SLC20A2: variants seen among roughly 807,000 people sequenced by gnomAD.
SLC20A2 encodes the protein solute carrier family 20 member 2, also known as sodium-dependent phosphate transporter 2.
In SLC20A2, 30 loss-of-function variants were observed where a neutral mutation model predicts 61.0. That is an observed-to-expected ratio of 0.49 (90% CI 0.37 to 0.67). The LOEUF is 0.67. SLC20A2 is among the 30% of genes least tolerant of loss of function. SLC20A2 has a pLI of 0.00. For synonymous variants in SLC20A2, 351 were observed against 353.3 expected, an observed-to-expected ratio of 0.99 and a Z score of 0.07; for missense variants, 626 against 866.4, an observed-to-expected ratio of 0.72 and a Z score of 3.48.
At chr8:42,505,211 C>T (rs1288868772), upstream of SLC20A2, among the ~76,000 whole-genome samples, 1 of 151,892 alleles carries the variant, frequency 6.6e-6, no homozygotes, top group Non-Finnish European at 1.5e-5. Flanking sequence ...CAGGCTCAAG[C>T]GATCCTCCCA....
chr8:42,460,260 G>C, intron 4 of SLC20A2: 2 of 298,086 alleles, frequency 6.7e-6, no homozygotes, highest in East Asian at 1.3e-4. Context: ...CACATGAGCT[G>C]ATGTCAGACT....
At chr8:42,462,333 A>C (rs1806776115) in intron 4 of SLC20A2, among the ~76,000 whole-genome samples, 1 of 152,198 alleles carries the variant, frequency 6.6e-6, no homozygotes, top group Admixed American at 6.5e-5. Context: ...GCTGCAAGAA[A>C]AGGGCTGCGC....
At position 42,464,681 on chromosome 8, in the gene SLC20A2, C is replaced by A. The variant is rs139852515; in HGVS notation, c.430+1096G>T. 5.5e-3 allele frequency among the ~76,000 whole-genome samples: 838 copies of A among 152,232 alleles called. 6 individuals carry two copies. Among genetic ancestry groups the A allele is most frequent in the African/African-American group, 0.019 (809 of 41,548 alleles). On this transcript the variant is annotated intron_variant, in intron 3 of 10. Transcript: ENST00000520262. ...CATAATAGTTCACTATCTCTATTAA[C>A]AGGAACTTTGGCCAGGTGCGGTGGC... is the stretch of plus-strand genomic sequence containing the variant.
At chr8:42,418,099 T>C (rs1802795581) in intron 10 of SLC20A2, 132 bp from the exon 11 acceptor site, 1 of 624,798 alleles carries the variant, frequency 1.6e-6, no homozygotes, top group South Asian at 2.6e-5. Flanking sequence ...TTAAAGCTTT[T>C]AAAATAGCTT....
chr8:42,464,283 C>T (rs113831666), intron 3 of SLC20A2, among the ~76,000 whole-genome samples: 22,238 of 128,320 alleles, frequency 0.17, 5,040 homozygotes, highest in African/African-American at 0.53. Flanking sequence ...AATTTTCTTT[C>T]TTTTTTTTTT....
intron 8 of SLC20A2, among the ~76,000 whole-genome samples, chr8:42,433,173 T>C (rs1475260838): frequency 6.6e-6 from 1 of 152,212 alleles, no homozygotes; most frequent in Non-Finnish European, 1.5e-5. Flanking sequence ...GAAACAGATC[T>C]CCAGAACTTG....
At chr8:42,536,422 TTCC>T (rs1162484926) in intron 1 of SLC20A2, 9 of 152,302 alleles carry the variant, frequency 5.9e-5, no homozygotes, top group African/African-American at 2.2e-4. Context: ...TCAAGGGCAC[TTCC>T]TCCTAATTCC....
intron 1 of SLC20A2, among the ~76,000 whole-genome samples, chr8:42,526,672 CAAAA>C (rs35859760): frequency 7.5e-6 from 1 of 133,486 alleles, no homozygotes; most frequent in African/African-American, 2.8e-5. Flanking sequence ...GACTCTGTCT[CAAAA>C]AAAAAAAAAG....
chr8:42,441,571 C>T (rs1044831724), intron 6 of SLC20A2, among the ~76,000 whole-genome samples: 14 of 149,562 alleles, frequency 9.4e-5, no homozygotes, highest in South Asian at 2.1e-4. Flanking sequence ...ATGGTTCAAG[C>T]GATTCTCCTG....
chr8:42,459,816 C>G, intron 5 of SLC20A2, 80 bp downstream of exon 5: 1 of 936,246 alleles, frequency 1.1e-6, no homozygotes, highest in East Asian at 2.6e-5. Flanking sequence ...TGTCAGCCAA[C>G]AATACCAGCA....
intron 1 of SLC20A2, among the ~76,000 whole-genome samples, chr8:42,482,475 A>G (rs1244581144): frequency 6.6e-6 from 1 of 151,518 alleles, no homozygotes; most frequent in Non-Finnish European, 1.5e-5. Context: ...AAAAAAGACT[A>G]TTTAGGCTGG....
intron 5 of SLC20A2, among the ~76,000 whole-genome samples, chr8:42,452,127 AGGAAG>A (rs1805756228): frequency 7.4e-6 from 1 of 135,302 alleles, no homozygotes; most frequent in South Asian, 2.7e-4. Flanking sequence ...AAGATGGAGG[AGGAAG>A]AGGAAGAGAT....
chr8:42,433,399 C>T (rs184288391), intron 8 of SLC20A2, among the ~76,000 whole-genome samples: 1 of 152,260 alleles, frequency 6.6e-6, no homozygotes, highest in East Asian at 1.9e-4. Flanking sequence ...TCTCGGCTCA[C>T]TGCAATATCC....
chr8:42,518,584 G>A (rs1037431074), intron 1 of SLC20A2, among the ~76,000 whole-genome samples: 4 of 152,212 alleles, frequency 2.6e-5, no homozygotes, highest in South Asian at 2.1e-4. Context: ...ATGAACATGG[G>A]TGGGACATTA....
chr8:42,459,235 C>CAAAAAAAAAA (rs756966778), intron 5 of SLC20A2, among the ~76,000 whole-genome samples: 7 of 36,070 alleles, frequency 1.9e-4, no homozygotes, highest in African/African-American at 3.3e-4. Context: ...GACTCTATCT[C>CAAAAAAAAAA]AAAAAAAAAA....
intron 5 of SLC20A2, among the ~76,000 whole-genome samples, chr8:42,454,088 C>T (rs748933256): frequency 1.5e-4 from 23 of 152,118 alleles, no homozygotes; most frequent in Non-Finnish European, 2.4e-4. Flanking sequence ...ACTGTAAGCT[C>T]CCCCTACTAG....
At chr8:42,527,100 T>G in intron 1 of SLC20A2, among the ~76,000 whole-genome samples, 1 of 141,094 alleles carries the variant, frequency 7.1e-6, no homozygotes, top group Admixed American at 7.1e-5. Context: ...TAAGAGCCTG[T>G]CTCAAAAAAA....
intron 1 of SLC20A2, among the ~76,000 whole-genome samples, chr8:42,524,158 A>G (rs753655284): frequency 3.9e-5 from 6 of 152,258 alleles, no homozygotes; most frequent in Admixed American, 6.5e-5. Context: ...CACTAAAGCC[A>G]CATTTTAATT....
Position 42,417,829 on chromosome 8 carries a change from T to C in SLC20A2, c.1933A>G (p.Met645Val). ...LFSAAVMALL[M>V]YGILPYV ...CACACATATGGAAGGATCCCATACA[T>C]GAGAAGAGCCATGACAGCAGCGCTG... The change falls in exon 11 of 11, where the codon ATG (methionine) becomes GTG (valine). Residue 645 changes from methionine (M) to valine (V), a missense_variant. Around this residue, in one of 3 missense-constraint regions of SLC20A2, gnomAD observed 138 missense variants for 228.7 expected, o/e 0.60. Transcript: ENST00000520262. The C allele has an allele frequency of 2.5e-6, 4 of 1,613,868 alleles. No individual in the cohort carries two copies. Among genetic ancestry groups the C allele is most frequent in the Non-Finnish European group, 3.4e-6 (4 of 1,179,960 alleles).
Sources: gnomAD v4.1 joint callset for allele counts (sites outside exome capture counted in the v4.1 genomes callset) on GRCh38, gnomAD v4.1.1 for gene constraint, gnomAD v4.1.1 regional missense constraint, MANE v1.5 for transcripts, NCBI Gene and HGNC (gene_info 2026-07-23, HGNC 2026-07-21) for gene names.